The following FSTL4 variants were observed in gnomAD, a reference collection of about 807,000 sequenced individuals.
The protein encoded by FSTL4 is follistatin like 4.
Under a neutral mutation model 78.2 loss-of-function variants are expected in FSTL4, and 28 were observed. That is an observed-to-expected ratio of 0.36 (90% CI 0.27 to 0.49). FSTL4 has a LOEUF of 0.49. Among genes scored for constraint, FSTL4 ranks in the 20% least tolerant of loss-of-function variants. The pLI is 0.98. For synonymous variants in FSTL4, 422 were observed against 440.5 expected (o/e 0.96, Z 0.53); for missense variants, 922 against 1,084.9 (o/e 0.85, Z 2.11).
chr5:133,823,811 C>T, the FSTL4 span, among the ~76,000 whole-genome samples: 1 of 152,188 alleles, frequency 6.6e-6, no homozygotes, highest in South Asian at 2.1e-4. Flanking sequence ...CATGCCCCCT[C>T]CAAAGCCAGC....
intron 6 of FSTL4, among the ~76,000 whole-genome samples, chr5:133,257,992 G>T (rs900180198): frequency 6.6e-6 from 1 of 152,196 alleles, no homozygotes; most frequent in Non-Finnish European, 1.5e-5. Context: ...AGATCTCTAA[G>T]GTTGGATCCA....
At chr5:133,751,254 C>T in the FSTL4 span, among the ~76,000 whole-genome samples, 2 of 152,230 alleles carry the variant, frequency 1.3e-5, no homozygotes, top group Non-Finnish European at 2.9e-5. Context: ...CAGGCCCTTG[C>T]TTCTCACTGA....
rs1279514263 is a variant in FSTL4 at position 133,199,822 on chromosome 5, G to A, written c.1827-25C>T. On this transcript the variant is annotated intron_variant, in intron 15 of 15. Coordinates refer to ENST00000265342, the MANE Select transcript of FSTL4 (RefSeq NM_015082.2). The surrounding 1 kb of genome is among the most constrained non-coding windows in gnomAD (Gnocchi z 4.4). Reference sequence around the variant, plus strand: ...CCTGGGAGGGGAAGAACTGAGGTCAGAAGTTGCCTCCAGGGGTGGGGAATC... The same window carrying A: ...CCTGGGAGGGGAAGAACTGAGGTCAAAAGTTGCCTCCAGGGGTGGGGAATC... 7.4e-7 allele frequency: 1 copy of A among 1,352,290 alleles called. No homozygotes were observed. Among genetic ancestry groups the A allele is most frequent in the Non-Finnish European group, 1.0e-6 (1 of 975,122 alleles). The allele number at this position is 1,352,290 out of a possible 1,614,324, so 83.8% of individuals were successfully genotyped here.
At chr5:133,221,415 C>A (rs1289731956) in intron 11 of FSTL4, among the ~76,000 whole-genome samples, 3 of 149,674 alleles carry the variant, frequency 2.0e-5, no homozygotes, top group Non-Finnish European at 3.0e-5. Flanking sequence ...GCCCCCCCAC[C>A]GCCCCCCACC....
chr5:133,657,500 G>T, the FSTL4 span, among the ~76,000 whole-genome samples: 1 of 152,158 alleles, frequency 6.6e-6, no homozygotes, highest in African/African-American at 2.4e-5. Context: ...AATGTCCATT[G>T]GTTCATGAAG....
At chr5:133,365,011 C>T (rs939248479) in intron 4 of FSTL4, among the ~76,000 whole-genome samples, 2 of 152,166 alleles carry the variant, frequency 1.3e-5, no homozygotes, top group Non-Finnish European at 1.5e-5. Flanking sequence ...CAGATGAAGA[C>T]ACGCTTCTGT....
At chr5:133,431,155 C>T (rs1036925481) in intron 3 of FSTL4, among the ~76,000 whole-genome samples, 1 of 152,206 alleles carries the variant, frequency 6.6e-6, no homozygotes, top group Non-Finnish European at 1.5e-5. Flanking sequence ...ACATCTGGCA[C>T]TTTCCCACTG....
intron 4 of FSTL4, among the ~76,000 whole-genome samples, chr5:133,349,861 T>C (rs1754785068): frequency 6.7e-6 from 1 of 149,704 alleles, no homozygotes; most frequent in African/African-American, 2.5e-5. Context: ...ATGGACTTTG[T>C]TTGTCAGGCT....
At chr5:133,475,983 A>G (rs1344338678) in intron 3 of FSTL4, among the ~76,000 whole-genome samples, 2 of 152,072 alleles carry the variant, frequency 1.3e-5, no homozygotes, top group Admixed American at 1.3e-4. Context: ...GCTCTCTGAG[A>G]AGGTGGCAGG....
At chr5:133,626,049 C>CATATATATATATTCCAT in the FSTL4 span, among the ~76,000 whole-genome samples, 43 of 2,106 alleles carry the variant, frequency 0.02, 10 homozygotes, top group East Asian at 0.036. Context: ...ATATATATTC[C>CATATATATATATTCCAT]ATATATATAT....
chr5:133,330,547 A>G (rs1391487822), intron 4 of FSTL4, among the ~76,000 whole-genome samples: 1 of 152,168 alleles, frequency 6.6e-6, no homozygotes, highest in African/African-American at 2.4e-5. Flanking sequence ...TCCCACCCCC[A>G]TGATCCAATC....
At chr5:133,689,302 C>A in the FSTL4 span, among the ~76,000 whole-genome samples, 4 of 152,154 alleles carry the variant, frequency 2.6e-5, no homozygotes, top group Admixed American at 6.5e-5. Flanking sequence ...GGGCATGGTA[C>A]CCTACTTCTG....
the FSTL4 span, among the ~76,000 whole-genome samples, chr5:133,794,946 C>T: frequency 6.6e-6 from 1 of 152,216 alleles, no homozygotes; most frequent in Non-Finnish European, 1.5e-5. Flanking sequence ...CAACTCCTCC[C>T]TCTAAGCCTG....
chr5:133,572,520 A>G (rs1372203035), intron 2 of FSTL4, among the ~76,000 whole-genome samples: 1 of 152,178 alleles, frequency 6.6e-6, no homozygotes, highest in Non-Finnish European at 1.5e-5. Context: ...ACAAATTAAC[A>G]CTAAGAGCAA....
chr5:133,326,930 T>C (rs970945492), intron 4 of FSTL4, among the ~76,000 whole-genome samples: 18 of 152,210 alleles, frequency 1.2e-4, no homozygotes, highest in Non-Finnish European at 2.2e-4. Flanking sequence ...CTGCCTCCTG[T>C]CCCTTCCATC....
intron 13 of FSTL4, among the ~76,000 whole-genome samples, chr5:133,215,496 G>GCT (rs1447361113): frequency 4.6e-5 from 7 of 151,444 alleles, no homozygotes; most frequent in Non-Finnish European, 8.8e-5. Flanking sequence ...CCCCCAATCT[G>GCT]CTCCCTGCCT....
the FSTL4 span, among the ~76,000 whole-genome samples, chr5:133,696,567 C>T: frequency 2.0e-5 from 3 of 152,234 alleles, no homozygotes; most frequent in African/African-American, 7.2e-5. Context: ...CAAAAGGTCA[C>T]CTCTGATCAT....
chr5:133,396,153 T>C (rs1756038237), intron 4 of FSTL4, among the ~76,000 whole-genome samples: 1 of 152,278 alleles, frequency 6.6e-6, no homozygotes, highest in East Asian at 1.9e-4. Flanking sequence ...GTCACATAAA[T>C]GGGCAAGGGT....
Position 133,352,257 on chromosome 5 carries a change from TATATATACACAC to T in FSTL4, c.410-35617_410-35606del, listed in dbSNP as rs1398975916. On this transcript the variant is annotated intron_variant, in intron 4 of 15. Coordinates refer to ENST00000265342, the MANE Select transcript of FSTL4 (RefSeq NM_015082.2). ...ACACACATATATATATACACACATA[TATATATACACAC>T]ATATATATATACACACATATATATA... Among the ~76,000 whole-genome samples the T allele has an allele frequency of 1.1e-3, 63 of 59,190 alleles. No individual in the cohort carries two copies. The East Asian group carries it at 0.014, about 14-fold the overall frequency. 38.8% of individuals were successfully genotyped at this position (59,190 alleles called of 152,430 possible).
Sources: allele counts gnomAD v4.1 joint callset (sites outside exome capture counted in the v4.1 genomes callset), GRCh38; gene constraint gnomAD v4.1.1; non-coding constraint Gnocchi (gnomAD v3.1); transcripts MANE v1.5; gene names NCBI Gene and HGNC (gene_info 2026-07-23, HGNC 2026-07-21).